Variants in EBF1 observed in about 807,000 individuals in gnomAD.
EBF1 encodes EBF transcription factor 1.
Under a neutral mutation model 68.4 loss-of-function variants are expected in EBF1, and 10 were observed. That is an observed-to-expected ratio of 0.15 (90% CI 0.09 to 0.25). EBF1 has a LOEUF of 0.25. Among genes scored for constraint, EBF1 ranks in the 10% least tolerant of loss-of-function variants. EBF1 has a pLI of 1.00. For missense variants in EBF1, 509 were observed against 794.4 expected (o/e 0.64, Z 4.32); for synonymous variants, 298 against 299.8 (o/e 0.99, Z 0.06).
At chr5:159,073,707 T>C in intron 5 of EBF1, 1 of 512,392 alleles carries the variant, frequency 2.0e-6, no homozygotes, top group Non-Finnish European at 3.5e-6. Flanking sequence ...GAGCCAAGAC[T>C]CAGAACCCCA....
At chr5:158,966,151 G>T (rs996669163) in intron 6 of EBF1, among the ~76,000 whole-genome samples, 2 of 152,072 alleles carry the variant, frequency 1.3e-5, no homozygotes, top group African/African-American at 4.8e-5. Context: ...ACACACACTG[G>T]TATTTGTGAC....
intron 6 of EBF1, among the ~76,000 whole-genome samples, chr5:158,909,313 T>C (rs1447494940): frequency 6.6e-6 from 1 of 152,112 alleles, no homozygotes; most frequent in East Asian, 1.9e-4. Flanking sequence ...GGGGGTTTTT[T>C]GGAGAGGGGT....
chr5:158,823,055 C>T (rs1480927530), intron 8 of EBF1, 121 bp downstream of exon 8: 1 of 1,401,542 alleles, frequency 7.1e-7, no homozygotes, highest in African/African-American at 1.4e-5. Context: ...GAGGACCAAT[C>T]TTATTCAAAA....
chr5:158,739,647 A>G (rs1159618198), intron 10 of EBF1, among the ~76,000 whole-genome samples: 1 of 152,202 alleles, frequency 6.6e-6, no homozygotes, highest in Non-Finnish European at 1.5e-5. Context: ...AATATTGGAG[A>G]CCAACATATT....
At chr5:158,911,281 T>C (rs1284357619) in intron 6 of EBF1, among the ~76,000 whole-genome samples, 1 of 152,208 alleles carries the variant, frequency 6.6e-6, no homozygotes, top group Admixed American at 6.5e-5. Flanking sequence ...CATTCAAGGC[T>C]TGCTCATTTA....
At chr5:158,969,504 C>T (rs1437043082) in intron 6 of EBF1, among the ~76,000 whole-genome samples, 1 of 150,368 alleles carries the variant, frequency 6.7e-6, no homozygotes, top group African/African-American at 2.5e-5. Flanking sequence ...TGGCTCATGC[C>T]TATAATCCCA....
chr5:158,831,677 T>C (rs1270430943), intron 7 of EBF1, among the ~76,000 whole-genome samples: 2 of 152,240 alleles, frequency 1.3e-5, no homozygotes, highest in African/African-American at 4.8e-5. Context: ...ATTTTTTGTA[T>C]TTTTAGAAGA....
chr5:159,074,089 C>T (rs1023194282), intron 5 of EBF1, among the ~76,000 whole-genome samples: 7 of 152,128 alleles, frequency 4.6e-5, no homozygotes, highest in African/African-American at 1.4e-4. Flanking sequence ...ATTCACATTC[C>T]TCTGGCTATA....
intron 6 of EBF1, among the ~76,000 whole-genome samples, chr5:158,964,759 A>G (rs1270916427): frequency 6.6e-6 from 1 of 152,184 alleles, no homozygotes; most frequent in Non-Finnish European, 1.5e-5. Context: ...ACGTATAACC[A>G]AGTGCTCTAA....
At chr5:159,010,117 T>C (rs1764328850) in intron 6 of EBF1, among the ~76,000 whole-genome samples, 2 of 152,186 alleles carry the variant, frequency 1.3e-5, no homozygotes. Flanking sequence ...AAGAGTAAAG[T>C]CTAATTATTG....
intron 9 of EBF1, among the ~76,000 whole-genome samples, chr5:158,778,942 T>C (rs1008140904): frequency 1.3e-5 from 2 of 152,186 alleles, no homozygotes; most frequent in African/African-American, 2.4e-5. Context: ...ATTCCGCTTC[T>C]TTGTCTTTTT....
intron 8 of EBF1, among the ~76,000 whole-genome samples, chr5:158,822,259 CGGATGGACGGATGGATGGATGGAT>C (rs1282247532): frequency 3.4e-4 from 44 of 129,742 alleles, no homozygotes; most frequent in South Asian, 2.5e-3. Context: ...CTTGGATGGA[CGGATGGACGGATGGATGGATGGAT>C]GGATGGATGG....
chr5:158,894,017 AG>A (rs1261482829), intron 6 of EBF1, among the ~76,000 whole-genome samples: 6 of 152,204 alleles, frequency 3.9e-5, no homozygotes, highest in Non-Finnish European at 8.8e-5. Context: ...TTAAAAAAGG[AG>A]GGAAGTGAGG....
intron 6 of EBF1, among the ~76,000 whole-genome samples, chr5:158,979,805 G>A (rs184620411): frequency 3.4e-4 from 52 of 152,146 alleles, no homozygotes; most frequent in African/African-American, 1.0e-3. Context: ...CAGTAATAAC[G>A]CTAATCAAAT....
At chr5:158,999,526 T>C (rs1762108638) in intron 6 of EBF1, among the ~76,000 whole-genome samples, 1 of 152,222 alleles carries the variant, frequency 6.6e-6, no homozygotes, top group Non-Finnish European at 1.5e-5. Context: ...GTTTTGCCTC[T>C]TAAAATGCTG....
At chr5:158,971,764 C>G (rs945669685) in intron 6 of EBF1, among the ~76,000 whole-genome samples, 4 of 152,280 alleles carry the variant, frequency 2.6e-5, no homozygotes, top group Admixed American at 2.0e-4. Context: ...AACCAACACG[C>G]CCATCCAGCA....
At chr5:158,779,346 G>C (rs1473442093) in intron 9 of EBF1, among the ~76,000 whole-genome samples, 2 of 152,042 alleles carry the variant, frequency 1.3e-5, no homozygotes, top group Admixed American at 1.3e-4. Context: ...GTTCAAAAAA[G>C]TCACGGGACA....
At chr5:158,871,107 A>T (rs1463406980) in intron 6 of EBF1, among the ~76,000 whole-genome samples, 1 of 152,214 alleles carries the variant, frequency 6.6e-6, no homozygotes, top group African/African-American at 2.4e-5. Context: ...CACAGCACAC[A>T]TTCTAGAAAA....
intron 6 of EBF1, among the ~76,000 whole-genome samples, chr5:158,926,562 A>G (rs541601671): frequency 6.6e-6 from 1 of 152,106 alleles, no homozygotes; most frequent in South Asian, 2.1e-4. Flanking sequence ...CGTCTCTACT[A>G]AAAATACAAA....
Sources: allele counts gnomAD v4.1 joint callset (sites outside exome capture counted in the v4.1 genomes callset), GRCh38; gene constraint gnomAD v4.1.1; transcripts MANE v1.5; gene names NCBI Gene and HGNC (gene_info 2026-07-23, HGNC 2026-07-21).